SH3KBP1: variants seen among roughly 807,000 people sequenced by gnomAD.
SH3KBP1 encodes the protein SH3 domain-containing kinase-binding protein 1.
Under a neutral mutation model 50.1 loss-of-function variants are expected in SH3KBP1, and 8 were observed. That is an observed-to-expected ratio of 0.16 (90% CI 0.09 to 0.29). The LOEUF is 0.29. SH3KBP1 is among the 10% of genes least tolerant of loss of function. The pLI is 1.00. For missense variants in SH3KBP1, 377 were observed against 535.2 expected (o/e 0.70, Z 2.92); for synonymous variants, 227 against 218.6 (o/e 1.04, Z -0.34).
At chrX:19,586,489 T>C (rs1158813414) in intron 12 of SH3KBP1, among the ~76,000 whole-genome samples, 1 of 112,290 alleles carries the variant, frequency 8.9e-6, no homozygotes, top group Non-Finnish European at 1.9e-5. Flanking sequence ...AAATAAGTTT[T>C]TTCTTCTGAT....
intron 2 of SH3KBP1, among the ~76,000 whole-genome samples, chrX:19,762,200 G>T (rs1265746822): frequency 8.9e-6 from 1 of 112,658 alleles, no homozygotes; most frequent in Non-Finnish European, 1.9e-5. Flanking sequence ...TTTAGTTTAC[G>T]GTTTGACTGT....
chrX:19,804,658 T>A (rs919087782), intron 2 of SH3KBP1, among the ~76,000 whole-genome samples: 1 of 108,987 alleles, frequency 9.2e-6, no homozygotes, highest in Non-Finnish European at 1.9e-5. Flanking sequence ...TTTCCCCAAA[T>A]ACCTGCTGGT....
At chrX:19,585,191 A>G (rs1453781625) in intron 12 of SH3KBP1, among the ~76,000 whole-genome samples, 1 of 111,871 alleles carries the variant, frequency 8.9e-6, no homozygotes, top group Non-Finnish European at 1.9e-5. Flanking sequence ...GTTACTTAGA[A>G]TGTAAGACAC....
intron 7 of SH3KBP1, among the ~76,000 whole-genome samples, chrX:19,638,124 C>A (rs1405168346): frequency 2.0e-5 from 2 of 101,323 alleles, no homozygotes; most frequent in Non-Finnish European, 4.0e-5. Context: ...CAAAAAAAAA[C>A]AAAAGGCCGG....
intron 2 of SH3KBP1, among the ~76,000 whole-genome samples, chrX:19,794,239 A>G (rs1442564755): frequency 9.3e-6 from 1 of 106,962 alleles, no homozygotes; most frequent in African/African-American, 3.4e-5. Flanking sequence ...ACAAAAAAAA[A>G]AAAAAAAAAA....
rs377455366 is a variant in SH3KBP1 at position 19,812,893 on chromosome X, T to C, written c.162+23232A>G. On this transcript the variant is annotated intron_variant, in intron 2 of 17. Coordinates refer to ENST00000397821, the MANE Select transcript of SH3KBP1 (RefSeq NM_031892.3). Reference sequence around the variant, plus strand: ...AGGAGGCTGAGGAAGGAGAATCGCTTGAGCCCGGGAGGCGGAGGTTGCTGT... The same window carrying C: ...AGGAGGCTGAGGAAGGAGAATCGCTCGAGCCCGGGAGGCGGAGGTTGCTGT... Among the ~76,000 whole-genome samples, 31 of 110,930 alleles carry C rather than the reference T, an allele frequency of 2.8e-4. 1 individual carries two copies. The South Asian group carries it at 7.2e-3, about 26-fold the overall frequency.
chrX:19,551,550 CTT>C (rs397800260), intron 13 of SH3KBP1, among the ~76,000 whole-genome samples: 2 of 95,125 alleles, frequency 2.1e-5, no homozygotes, highest in Admixed American at 1.1e-4. Flanking sequence ...CTCCCTCCCT[CTT>C]TTTTTTTTTT....
chrX:19,599,073 A>G (rs1166672724), intron 9 of SH3KBP1, among the ~76,000 whole-genome samples: 2 of 111,287 alleles, frequency 1.8e-5, no homozygotes, highest in African/African-American at 6.5e-5. Flanking sequence ...AAAACTGCCA[A>G]CACCCCGTGG....
chrX:19,726,382 C>A (rs983593245), intron 3 of SH3KBP1, among the ~76,000 whole-genome samples: 1 of 111,647 alleles, frequency 9.0e-6, no homozygotes, highest in Non-Finnish European at 1.9e-5. Flanking sequence ...CCAATGCCAC[C>A]TACTTCTCAG....
rs1411160042 is a variant in SH3KBP1 at position 19,746,308 on chromosome X, T to C, written c.286+10A>G. 9.1e-6 allele frequency: 11 copies of C among 1,208,313 alleles called. No individual in the cohort carries two copies. Among genetic ancestry groups the C allele is most frequent in the Non-Finnish European group, 1.2e-5 (11 of 894,364 alleles). On this transcript the variant is annotated intron_variant, in intron 3 of 17. Coordinates refer to ENST00000397821, the MANE Select transcript of SH3KBP1 (RefSeq NM_031892.3). ...GTGCAGGGAGGGAACCTCTTTTTCC[T>C]TTTCCATACCTCTCTTATTGGTTCT...
At position 19,834,463 on chromosome X, in the gene SH3KBP1, T is replaced by A. The variant is rs1472242288; in HGVS notation, c.162+1662A>T. 2.7e-5 allele frequency among the ~76,000 whole-genome samples: 3 copies of A among 112,084 alleles called. No homozygotes were observed. In the East Asian group the frequency reaches 8.4e-4, roughly 31 times the overall value. ...GAGAACAATCCATTCTTCTCCAGTA[T>A]GAGATAGAAAGTTTATGGCAAGGGG... On this transcript the variant is annotated intron_variant, in intron 2 of 17. Transcript: ENST00000397821.
In SH3KBP1 at chrX:19,542,046, A is replaced by G. The variant is rs1159821771; in HGVS notation, c.1771T>C (p.Phe591Leu). Residue 591 changes from phenylalanine (F) to leucine (L), a missense_variant, in exon 16 of 18, where the codon TTC (phenylalanine) becomes CTC (leucine). Around this residue, in one of 3 missense-constraint regions of SH3KBP1, gnomAD observed 110 missense variants for 124.1 expected, o/e 0.89. Coordinates refer to ENST00000397821, the MANE Select transcript of SH3KBP1 (RefSeq NM_031892.3). The stretch of plus-strand genomic sequence containing the variant: ...ATCTTTGGTTTTCCTTCCGTGCCGA[A>G]CAGAGACGGGGAGTTGGCTCTGTGT... ...AGHRANSPSL[F>L]GTEGKPKMEP... is the part of the protein sequence containing the mutation. The G allele has an allele frequency of 8.3e-7, 1 of 1,210,339 alleles. No individual in the cohort carries two copies. The highest frequency in any genetic ancestry group is 1.7e-5 in the African/African-American group (1 of 57,231).
rs1008618741 is a variant in SH3KBP1 at position 19,534,756 on chromosome X, C to A, written c.*1661G>T. ...TAATTATGCCCCCACCCAGGAAGAC[C>A]AAGGTGTTTGGGCTCCTTAAATACT... is the stretch of plus-strand genomic sequence containing the variant. On this transcript the variant is annotated 3_prime_UTR_variant, in exon 18 of 18. Coordinates refer to ENST00000397821, the MANE Select transcript of SH3KBP1 (RefSeq NM_031892.3). 1.7e-5 allele frequency: 5 copies of A among 293,810 alleles called. No individual in the cohort carries two copies. The highest frequency in any genetic ancestry group is 5.5e-5 in the African/African-American group (2 of 36,108). The allele number at this position is 293,810 out of a possible 1,213,427, so 24.2% of individuals were successfully genotyped here. A position where few individuals can be genotyped will look rare whatever the true frequency, so the allele number is the denominator to read the frequency against.
At chrX:19,737,052 A>T (rs1202386574) in intron 3 of SH3KBP1, among the ~76,000 whole-genome samples, 1 of 109,650 alleles carries the variant, frequency 9.1e-6, no homozygotes. Context: ...GACTACATGC[A>T]CACGCTGCCA....
chrX:19,841,548 A>G (rs2068218623), intron 1 of SH3KBP1, among the ~76,000 whole-genome samples: 1 of 112,290 alleles, frequency 8.9e-6, no homozygotes, highest in Non-Finnish European at 1.9e-5. Flanking sequence ...TGAATTCTGA[A>G]GAATAAATTT....
At chrX:19,613,091 G>A (rs761820087) in intron 8 of SH3KBP1, among the ~76,000 whole-genome samples, 16 of 112,325 alleles carry the variant, frequency 1.4e-4, no homozygotes, top group African/African-American at 5.2e-4. Flanking sequence ...GTGATCAACC[G>A]CTTGTGAGGC....
At position 19,872,841 on chromosome X, in the gene SH3KBP1, A is replaced by T. The variant is rs962692095; in HGVS notation, c.4+14466T>A. ...CTCTCTCTCTCTCTCTCTCACACACACACACACACACACACACACACACAG... is the reference window on the plus strand; with the variant it reads ...CTCTCTCTCTCTCTCTCTCACACACTCACACACACACACACACACACACAG... On this transcript the variant is annotated intron_variant, in intron 1 of 17. Transcript: ENST00000397821. Among the ~76,000 whole-genome samples, 855 of 107,904 alleles carry T rather than the reference A, an allele frequency of 7.9e-3. 10 individuals are homozygous for T. The highest frequency in any genetic ancestry group is 0.027 in the African/African-American group (793 of 29,188). The allele number at this position is 107,904 out of a possible 115,157, so 93.7% of individuals were successfully genotyped here. A position where few individuals can be genotyped will look rare whatever the true frequency, so the allele number is the denominator to read the frequency against.
intron 2 of SH3KBP1, among the ~76,000 whole-genome samples, chrX:19,827,897 AC>A (rs1401738753): frequency 3.1e-4 from 31 of 99,712 alleles, no homozygotes; most frequent in African/African-American, 1.3e-3. Context: ...AAAAAAACAA[AC>A]AAACAAACAA....
At chrX:19,704,237 G>A (rs1203292895) in intron 4 of SH3KBP1, among the ~76,000 whole-genome samples, 1 of 112,602 alleles carries the variant, frequency 8.9e-6, no homozygotes, top group Non-Finnish European at 1.9e-5. Flanking sequence ...TAATAGAAAG[G>A]AGGCTGGTAT....
Sources: allele counts gnomAD v4.1 joint callset (sites outside exome capture counted in the v4.1 genomes callset), GRCh38; gene constraint gnomAD v4.1.1; regional missense constraint gnomAD v4.1.1; transcripts MANE v1.5; gene names NCBI Gene and HGNC (gene_info 2026-07-23, HGNC 2026-07-21).